The following PLCH1 variants were observed in gnomAD, a reference collection of about 807,000 sequenced individuals.
PLCH1 encodes phospholipase C eta 1, also known as 1-phosphatidylinositol 4,5-bisphosphate phosphodiesterase eta-1.
A neutral mutation model predicts 126.7 loss-of-function variants in PLCH1; 60 were observed. The ratio of observed to expected loss-of-function variants is 0.47; its 90% CI spans 0.38 to 0.59. PLCH1 has a LOEUF of 0.59. PLCH1 is among the 20% of genes least tolerant of loss of function. The pLI is 0.00. For synonymous variants in PLCH1, 719 were observed against 734.9 expected (o/e 0.98, Z 0.35); for missense variants, 1,723 against 2,040.0 (o/e 0.84, Z 2.99).
intron 10 of PLCH1, among the ~76,000 whole-genome samples, chr3:155,533,808 G>A (rs144509455): frequency 8.3e-4 from 126 of 152,316 alleles, no homozygotes; most frequent in Middle Eastern, 3.4e-3. Flanking sequence ...CTACAACCTA[G>A]CCATGGCTAA....
Position 155,453,884 on chromosome 3 carries a change from CTATCTT to C in PLCH1, c.2938+31466_2938+31471del, listed in dbSNP as rs537733623. Among the ~76,000 whole-genome samples, 55 of 151,830 alleles carry C rather than the reference CTATCTT, an allele frequency of 3.6e-4. No homozygotes were observed. The East Asian group carries it at 9.9e-3, about 27-fold the overall frequency. ...GCAAATTAAAAATAGAAATTTCTCTCTATCTTTATAAGTAGAAAAGGATGGATACAG... is the reference window on the plus strand; with the variant it reads ...GCAAATTAAAAATAGAAATTTCTCTCTATAAGTAGAAAAGGATGGATACAG... On this transcript the variant is annotated intron_variant, in intron 21 of 21. Transcript: ENST00000494598.
chr3:155,543,047 T>G (rs1724604244), intron 10 of PLCH1, among the ~76,000 whole-genome samples: 1 of 152,220 alleles, frequency 6.6e-6, no homozygotes, highest in Non-Finnish European at 1.5e-5. Context: ...ACAATGACTT[T>G]GCCGAGTTGA....
intron 21 of PLCH1, among the ~76,000 whole-genome samples, chr3:155,455,294 CTGGAG>C (rs1712412919): frequency 6.6e-6 from 1 of 152,118 alleles, no homozygotes; most frequent in Non-Finnish European, 1.5e-5. Flanking sequence ...CTCAAGGGGA[CTGGAG>C]TGAACTACTC....
intron 12 of PLCH1, among the ~76,000 whole-genome samples, chr3:155,508,905 A>G (rs1047589826): frequency 1.3e-5 from 1 of 76,410 alleles, no homozygotes; most frequent in African/African-American, 8.4e-5. Context: ...TTTTCTATTG[A>G]TTGGAATAGT....
rs770332260 is a variant in PLCH1, at chr3:155,492,714, T to C, written c.2307+15A>G. On this transcript the variant is annotated intron_variant, in intron 18 of 22. Transcript: ENST00000460012. ...CATAATTAACCACTTAGACACGTAG[T>C]CATAGGCAACTTACCTCGCCTCGAT... 1.3e-6 allele frequency: 2 copies of C among 1,555,060 alleles called. No individual in the cohort carries two copies. Among genetic ancestry groups the C allele is most frequent in the South Asian group, 2.5e-5 (2 of 80,368 alleles).
intron 8 of PLCH1, among the ~76,000 whole-genome samples, chr3:155,563,905 C>T (rs565431404): frequency 4.6e-5 from 7 of 152,158 alleles, no homozygotes; most frequent in South Asian, 4.1e-4. Flanking sequence ...ATCAACCAAC[C>T]GGTGAAATTT....
rs1400812931 is a variant in PLCH1, at chr3:155,480,189, C to T, written c.*779G>A. 2 of 152,558 alleles carry T rather than the reference C, an allele frequency of 1.3e-5. No homozygotes were observed. Among genetic ancestry groups the T allele is most frequent in the East Asian group, 1.9e-4 (1 of 5,186 alleles). 9.5% of individuals were successfully genotyped at this position (152,558 alleles called of 1,614,324 possible). ...GATGGAAGTCCCTCATTCTGAAAGC[C>T]GTTGTTCGCAGTCTGTAATTCAATC... On this transcript the variant is annotated 3_prime_UTR_variant, in exon 23 of 23. Transcript: ENST00000460012.
intron 2 of PLCH1, among the ~76,000 whole-genome samples, chr3:155,668,877 G>A (rs769935364): frequency 4.0e-4 from 61 of 152,272 alleles, no homozygotes; most frequent in Non-Finnish European, 7.9e-4. Flanking sequence ...GAACCTCAGA[G>A]AGAGACTCAG....
At chr3:155,494,281 A>C (rs776971660) in intron 16 of PLCH1, 33 bp from the exon 17 acceptor site, 3 of 1,610,640 alleles carry the variant, frequency 1.9e-6, no homozygotes, top group Non-Finnish European at 2.5e-6. Context: ...AGAATTAGGC[A>C]AGATGGTGGC....
chr3:155,526,896 G>GAA (rs1303943442), intron 10 of PLCH1, among the ~76,000 whole-genome samples: 4 of 152,208 alleles, frequency 2.6e-5, no homozygotes, highest in African/African-American at 9.6e-5. Context: ...ATCCACTGAA[G>GAA]ATACCATTTC....
intron 1 of PLCH1, among the ~76,000 whole-genome samples, chr3:155,735,910 T>C (rs934674757): frequency 1.7e-4 from 26 of 152,158 alleles, no homozygotes; most frequent in Middle Eastern, 3.2e-3. Context: ...GAGGAAAAAC[T>C]GAATGGCTGA....
chr3:155,724,813 T>G (rs35490966), intron 1 of PLCH1, among the ~76,000 whole-genome samples: 3 of 140,064 alleles, frequency 2.1e-5, no homozygotes, highest in Non-Finnish European at 3.1e-5. Flanking sequence ...TTGGGGGGTT[T>G]TGTGTGTGTG....
At chr3:155,526,363 T>A (rs1010822362) in intron 10 of PLCH1, among the ~76,000 whole-genome samples, 1 of 151,952 alleles carries the variant, frequency 6.6e-6, no homozygotes, top group African/African-American at 2.4e-5. Flanking sequence ...TTCTCTCCTT[T>A]CCTGGAGCTC....
chr3:155,629,093 CGTG>C (rs1187607780), intron 2 of PLCH1, among the ~76,000 whole-genome samples: 1 of 152,142 alleles, frequency 6.6e-6, no homozygotes, highest in Non-Finnish European at 1.5e-5. Context: ...TTAAGAGAAT[CGTG>C]GTGAAGATTA....
intron 10 of PLCH1, among the ~76,000 whole-genome samples, chr3:155,529,578 G>A (rs985392391): frequency 4.6e-5 from 7 of 151,906 alleles, no homozygotes; most frequent in Non-Finnish European, 7.4e-5. Context: ...ATAGTATTAC[G>A]TCTAAAAAAA....
chr3:155,576,288 C>T (rs1729941582), intron 6 of PLCH1, among the ~76,000 whole-genome samples: 1 of 152,120 alleles, frequency 6.6e-6, no homozygotes. Flanking sequence ...GTAAATACTT[C>T]GGAACCACAG....
rs144087104 is a variant in PLCH1, at chr3:155,639,311, C to T, written c.80-42933G>A. ...TTGTCTCCACAAAAAATAAAAAATA[C>T]TTAGCCTGGAGTGGTGGTGCAAGCC... On this transcript the variant is annotated intron_variant, in intron 2 of 22. Coordinates refer to ENST00000460012, the MANE Select transcript of PLCH1 (RefSeq NM_014996.4). Among the ~76,000 whole-genome samples, 469 of 152,046 alleles carry T rather than the reference C, an allele frequency of 3.1e-3. 3 individuals carry two copies. The highest frequency in any genetic ancestry group is 0.011 in the African/African-American group (438 of 41,488).
intron 10 of PLCH1, among the ~76,000 whole-genome samples, chr3:155,525,169 G>T (rs987684990): frequency 1.3e-5 from 2 of 152,114 alleles, no homozygotes; most frequent in Admixed American, 1.3e-4. Flanking sequence ...TTATTAAAAA[G>T]TGAAAGAATA....
At chr3:155,488,445 C>T (rs1715626359) in intron 20 of PLCH1, among the ~76,000 whole-genome samples, 1 of 152,190 alleles carries the variant, frequency 6.6e-6, no homozygotes, top group African/African-American at 2.4e-5. Context: ...GATCCTCCCA[C>T]CTCGGCCTCC....
Sources: allele counts gnomAD v4.1 joint callset (sites outside exome capture counted in the v4.1 genomes callset), GRCh38; gene constraint gnomAD v4.1.1; transcripts MANE v1.5; gene names NCBI Gene and HGNC (gene_info 2026-07-23, HGNC 2026-07-21).